The following SLIT1 variants were observed in gnomAD, a reference collection of about 807,000 sequenced individuals.
SLIT1 encodes the protein slit guidance ligand 1.
In SLIT1, 66 loss-of-function variants were observed where a neutral mutation model predicts 186.1. The ratio of observed to expected loss-of-function variants is 0.35; its 90% confidence interval spans 0.29 to 0.44. The LOEUF (loss-of-function observed/expected upper bound fraction) is 0.44. Among genes scored for constraint, SLIT1 ranks in the 20% least tolerant of loss-of-function variants. The pLI is 1.00. For synonymous variants in SLIT1, 761 were observed against 833.8 expected, an observed-to-expected ratio of 0.91 and a Z score of 1.50; for missense variants, 1,638 against 2,037.4, an observed-to-expected ratio of 0.80 and a Z score of 3.77.
At chr10:97,063,432 G>A (rs1848912289) in intron 8 of SLIT1, 23 bp downstream of exon 8, 1 of 1,611,610 alleles carries the variant, frequency 6.2e-7, no homozygotes, top group Admixed American at 1.7e-5. Context: ...ACAGTTGAGA[G>A]CCCGGCAGGG....
chr10:97,097,126 C>CCCACCCAAGCGCCT (rs1849299956), intron 4 of SLIT1, among the ~76,000 whole-genome samples: 1 of 152,168 alleles, frequency 6.6e-6, no homozygotes, highest in African/African-American at 2.4e-5. Context: ...AGGCCAGGCT[C>CCCACCCAAGCGCCT]CCACCCAAGC....
intron 1 of SLIT1, among the ~76,000 whole-genome samples, chr10:97,173,469 C>T (rs952028142): frequency 1.6e-4 from 24 of 149,638 alleles, no homozygotes; most frequent in African/African-American, 5.9e-4. Flanking sequence ...CAGGCACAGG[C>T]CTGGGCTGGA....
At chr10:97,139,699 C>T (rs951453071) in intron 4 of SLIT1, among the ~76,000 whole-genome samples, 19 of 152,182 alleles carry the variant, frequency 1.2e-4, no homozygotes, top group Admixed American at 1.2e-3. Flanking sequence ...TGAGAGCTGA[C>T]ATGTCCAAAG....
At chr10:97,046,836 C>T in intron 17 of SLIT1, 39 bp from the exon 18 acceptor site, 1 of 1,603,576 alleles carries the variant, frequency 6.2e-7, no homozygotes, top group Non-Finnish European at 8.5e-7. Context: ...ATATGGCCAG[C>T]AGCCAGGAGC....
chr10:97,045,251 A>G (rs1347252514), intron 18 of SLIT1, among the ~76,000 whole-genome samples: 1 of 152,200 alleles, frequency 6.6e-6, no homozygotes, highest in Admixed American at 6.5e-5. Flanking sequence ...CAATAATTAT[A>G]TAATACCTAG....
At chr10:97,087,350 T>C (rs1197927261) in intron 4 of SLIT1, among the ~76,000 whole-genome samples, 1 of 152,210 alleles carries the variant, frequency 6.6e-6, no homozygotes, top group African/African-American at 2.4e-5. Flanking sequence ...CTCACCATCC[T>C]CCGGCTTGCC....
Position 97,040,066 on chromosome 10 carries a change from C to T in SLIT1, c.2219G>A (p.Cys740Tyr). 2.5e-6 allele frequency: 4 copies of T among 1,610,414 alleles called. No individual in the cohort carries two copies. The highest frequency in any genetic ancestry group is 3.4e-6 in the Non-Finnish European group (4 of 1,178,278). ...PRPQCPQECA[C>Y]LDTVVRCSNK... ...GCTGCATCGGACCACGGTGTCCAGG[C>T]AGGCGCACTCCTGTGGGCACTGTGG... is the stretch of plus-strand genomic sequence containing the variant. The change falls in exon 21 of 37, where the codon TGC becomes TAC. Residue 740 changes from cysteine to tyrosine, a missense_variant. Physicochemically the swap from Cys to Tyr is radical, Grantham distance 194. Around this residue, in one of 3 missense-constraint regions of SLIT1, gnomAD observed 1,245 missense variants for 1,535.3 expected, o/e 0.81. Transcript: ENST00000266058.
intron 4 of SLIT1, among the ~76,000 whole-genome samples, chr10:97,069,364 G>A (rs1032969493): frequency 9.9e-5 from 15 of 152,250 alleles, no homozygotes; most frequent in African/African-American, 3.6e-4. Context: ...CCACCCTAGA[G>A]CACTCATGCC....
At chr10:97,028,877 G>A (rs1848568117) in intron 25 of SLIT1, among the ~76,000 whole-genome samples, 1 of 152,140 alleles carries the variant, frequency 6.6e-6, no homozygotes, top group African/African-American at 2.4e-5. Context: ...TTAGAACCTA[G>A]GACTGTAAAA....
At chr10:97,081,844 C>G (rs149192047) in intron 4 of SLIT1, among the ~76,000 whole-genome samples, 395 of 152,300 alleles carry the variant, frequency 2.6e-3, no homozygotes, top group Admixed American at 6.1e-3. Flanking sequence ...GGTCCTGAAT[C>G]CATCCGGCGG....
chr10:97,181,886 G>A (rs1194725090), intron 1 of SLIT1, among the ~76,000 whole-genome samples: 1 of 152,076 alleles, frequency 6.6e-6, no homozygotes, highest in Non-Finnish European at 1.5e-5. Flanking sequence ...CACACATACT[G>A]CACTCTCCTG....
rs114759177 is a variant in SLIT1 at position 97,074,660 on chromosome 10, A to G, written c.414-8574T>C. 9.7e-3 allele frequency among the ~76,000 whole-genome samples: 1,477 copies of G among 152,310 alleles called. 21 individuals carry two copies. The highest frequency in any genetic ancestry group is 0.029 in the African/African-American group (1,193 of 41,558). ...CATTGCCAAGATCAAGCACCCCAGGAGGCAAGCTCCACCAAGAGCAGCCCC... is the reference window on the plus strand; with the variant it reads ...CATTGCCAAGATCAAGCACCCCAGGGGGCAAGCTCCACCAAGAGCAGCCCC... On this transcript the variant is annotated intron_variant, in intron 4 of 36. Coordinates refer to ENST00000266058, the MANE Select transcript of SLIT1 (RefSeq NM_003061.3).
At chr10:97,096,528 T>A (rs1849291873) in intron 4 of SLIT1, among the ~76,000 whole-genome samples, 1 of 152,050 alleles carries the variant, frequency 6.6e-6, no homozygotes, top group Non-Finnish European at 1.5e-5. Flanking sequence ...CCCTCATGAT[T>A]ATCAGCTCGA....
intron 4 of SLIT1, among the ~76,000 whole-genome samples, chr10:97,090,801 C>T (rs1003934950): frequency 6.6e-6 from 1 of 152,208 alleles, no homozygotes; most frequent in Admixed American, 6.5e-5. Flanking sequence ...AGCCCCAAGT[C>T]GTCCAGCGGG....
intron 5 of SLIT1, chr10:97,065,692 A>C (rs1405516877): frequency 3.7e-6 from 1 of 267,250 alleles, no homozygotes; most frequent in East Asian, 7.3e-5. Context: ...AGCTCTCCCA[A>C]CCCAAATATG....
intron 1 of SLIT1, 83 bp from the exon 2 acceptor site, chr10:97,164,973 C>T (rs914603413): frequency 5.4e-5 from 56 of 1,034,548 alleles, no homozygotes; most frequent in Admixed American, 2.9e-4. Flanking sequence ...GTGCCCTCCC[C>T]GCCTGGATCA....
Position 97,060,725 on chromosome 10 carries a change from A to AC in SLIT1, c.855dup (p.Cys286ValfsTer62). 1 of 1,613,770 alleles carries AC rather than the reference A, an allele frequency of 6.2e-7. No homozygotes were observed. Among genetic ancestry groups the AC allele is most frequent in the Non-Finnish European group, 8.5e-7 (1 of 1,179,980 alleles). ...TCCACGATGCCATTGCTGCAGGTGC[A>AC]CATGGCCGGGCAGGAGCCGGAGGAC... On this transcript the variant is annotated frameshift_variant, in exon 9 of 37. Coordinates refer to ENST00000266058, the MANE Select transcript of SLIT1 (RefSeq NM_003061.3). LOFTEE classifies it high-confidence loss of function.
intron 4 of SLIT1, among the ~76,000 whole-genome samples, chr10:97,089,092 C>T (rs1245571348): frequency 1.3e-5 from 2 of 152,212 alleles, no homozygotes; most frequent in Admixed American, 1.3e-4. Flanking sequence ...AGCCAGCTCC[C>T]AGGTGCCAGT....
At chr10:97,011,347 T>C (rs1200743011) in intron 30 of SLIT1, among the ~76,000 whole-genome samples, 1 of 152,144 alleles carries the variant, frequency 6.6e-6, no homozygotes, top group Non-Finnish European at 1.5e-5. Context: ...AGAGAGCTCA[T>C]GTGGACTTGA....
Sources: allele counts gnomAD v4.1 joint callset (sites outside exome capture counted in the v4.1 genomes callset), GRCh38; gene constraint gnomAD v4.1.1; regional missense constraint gnomAD v4.1.1; transcripts MANE v1.5; gene names NCBI Gene and HGNC (gene_info 2026-07-23, HGNC 2026-07-21).